Variants in BPTF observed in about 807,000 individuals in gnomAD.
BPTF encodes bromodomain PHD finger transcription factor.
A neutral mutation model predicts 292.5 loss-of-function variants in BPTF; 18 were observed. That is an observed-to-expected ratio of 0.06 (90% CI 0.04 to 0.09). The LOEUF (loss-of-function observed/expected upper bound fraction) is 0.09. BPTF is among the 10% of genes least tolerant of loss of function. The probability of loss-of-function intolerance (pLI) is 1.00; values close to 1 mark genes in which losing one functional copy is unlikely to be tolerated. For missense variants in BPTF, 2,726 were observed against 3,498.7 expected (o/e 0.78, Z 5.57); for synonymous variants, 1,225 against 1,251.9 (o/e 0.98, Z 0.45).
rs2061307039 is a variant in BPTF, at chr17:67,894,312, A to G, written c.2543+147A>G. 3 of 760,294 alleles carry G rather than the reference A, an allele frequency of 3.9e-6. No homozygotes were observed. The South Asian group carries it at 6.2e-5, about 16-fold the overall frequency. The allele number at this position is 760,294 out of a possible 1,614,324, so 47.1% of individuals were successfully genotyped here. On this transcript the variant is annotated intron_variant, in intron 7 of 27. Coordinates refer to ENST00000306378, the MANE Select transcript of BPTF (RefSeq NM_182641.4). ...TTTTCTTCCTATATAAGTTGTAAAC[A>G]TGAATGAATATTATTAGTTCTTTCT...
At chr17:67,881,855 TTTG>T (rs771548849) in intron 4 of BPTF, among the ~76,000 whole-genome samples, 8,755 of 23,720 alleles carry the variant, frequency 0.37, 1,100 homozygotes, top group East Asian at 0.64. Flanking sequence ...ATTTTGGGTT[TTTG>T]TTTTTTTTTT....
chr17:67,944,869 C>T (rs1555673640), intron 20 of BPTF, among the ~76,000 whole-genome samples: 3 of 152,180 alleles, frequency 2.0e-5, no homozygotes, highest in Admixed American at 2.0e-4. Flanking sequence ...GAGGCTGCAA[C>T]TTACTTTGGA....
chr17:67,946,754 C>G (rs1195805723), intron 21 of BPTF, among the ~76,000 whole-genome samples: 2 of 152,140 alleles, frequency 1.3e-5, no homozygotes, highest in African/African-American at 4.8e-5. Context: ...TCTAGCCACA[C>G]CTTTGTAAAA....
intron 1 of BPTF, among the ~76,000 whole-genome samples, chr17:67,826,855 C>A (rs2056115990): frequency 6.6e-6 from 1 of 152,088 alleles, no homozygotes; most frequent in Non-Finnish European, 1.5e-5. Flanking sequence ...CAAAAAAATG[C>A]GTTTTCACAC....
intron 24 of BPTF, chr17:67,963,564 G>A (rs782680526): frequency 4.2e-4 from 549 of 1,300,336 alleles, no homozygotes; most frequent in Non-Finnish European, 5.2e-4. Flanking sequence ...TGCTCTGACT[G>A]GTTACTTATT....
At chr17:67,924,710 A>G in intron 15 of BPTF, 121 bp downstream of exon 15, 1 of 1,129,558 alleles carries the variant, frequency 8.9e-7, no homozygotes, top group Non-Finnish European at 1.3e-6. Flanking sequence ...CAACATACAT[A>G]CATTTTTTAG....
chr17:67,922,738 A>G (rs1344942459), intron 13 of BPTF, 102 bp from the exon 14 acceptor site: 28 of 1,294,032 alleles, frequency 2.2e-5, no homozygotes, highest in Non-Finnish European at 2.9e-5. Flanking sequence ...CCATCTGGCT[A>G]TTTAAGAAGT....
At chr17:67,871,267 C>T (rs1450071731) in intron 3 of BPTF, among the ~76,000 whole-genome samples, 2 of 151,764 alleles carry the variant, frequency 1.3e-5, no homozygotes, top group African/African-American at 4.8e-5. Context: ...CATGGCAAAA[C>T]CTCGTCTTTA....
chr17:67,909,298 A>T (rs2062486709), intron 9 of BPTF, among the ~76,000 whole-genome samples: 1 of 106,052 alleles, frequency 9.4e-6, no homozygotes, highest in African/African-American at 3.6e-5. Flanking sequence ...TTTATCCTGC[A>T]GTGTTTTAAA....
intron 4 of BPTF, among the ~76,000 whole-genome samples, chr17:67,880,090 T>C (rs1394254136): frequency 6.6e-6 from 1 of 152,240 alleles, no homozygotes; most frequent in East Asian, 1.9e-4. Flanking sequence ...TTTTACAATT[T>C]ATTAGCATAA....
At chr17:67,924,469 C>T in intron 14 of BPTF, 78 bp from the exon 15 acceptor site, 3 of 1,396,154 alleles carry the variant, frequency 2.1e-6, no homozygotes, top group Non-Finnish European at 3.0e-6. Flanking sequence ...ATGTGAAAAT[C>T]AACCAGATTT....
intron 23 of BPTF, chr17:67,951,164 GGCTGTTGGTGGTCA>G (rs1208957204): frequency 6.6e-6 from 1 of 152,024 alleles, no homozygotes; most frequent in African/African-American, 2.4e-5. Flanking sequence ...TTACATCATT[GGCTGTTGGTGGTCA>G]GCTTAACCTT....
chr17:67,879,430 G>A (rs986948859), intron 4 of BPTF, among the ~76,000 whole-genome samples: 13 of 152,276 alleles, frequency 8.5e-5, no homozygotes, highest in Admixed American at 8.5e-4. Flanking sequence ...GTGAGCCACC[G>A]CGCCCGGCTA....
rs143770213 is a variant in BPTF at position 67,826,179 on chromosome 17, C to T, written c.455C>T (p.Ala152Val). The T allele has an allele frequency of 1.2e-6, 2 of 1,600,920 alleles. No homozygotes were observed. Among genetic ancestry groups the T allele is most frequent in the Non-Finnish European group, 1.7e-6 (2 of 1,168,160 alleles). The change falls in exon 1 of 28, where the codon GCC becomes GTC. Residue 152 changes from alanine (A) to valine (V), a missense_variant. By Grantham distance (64) the Ala-to-Val change is moderately conservative. Around this residue, in one of 22 missense-constraint regions of BPTF, gnomAD observed 153 missense variants for 178.3 expected, o/e 0.86. Transcript: ENST00000306378. Reference sequence around the variant, plus strand: ...GAGGAGGAGGAGGAGGACGGCGACGCCGAGGAGACCCAGGATTCTGAGGAC... The same window carrying T: ...GAGGAGGAGGAGGAGGACGGCGACGTCGAGGAGACCCAGGATTCTGAGGAC... Reference protein sequence around the residue: ...SEEEEEEDGDAEETQDSEDDE... With the variant: ...SEEEEEEDGDVEETQDSEDDE...
chr17:67,874,934 A>G lies in BPTF; in HGVS notation c.1778A>G (p.Asn593Ser), dbSNP rs767858872. 1.2e-6 allele frequency: 2 copies of G among 1,613,944 alleles called. No homozygotes were observed. Among genetic ancestry groups the G allele is most frequent in the Non-Finnish European group, 1.7e-6 (2 of 1,179,908 alleles). ...AATGACTCTAAAGATGCTGAGAAAAACAGAGAAGAATTTGAAGACCAGTCC... is the reference window on the plus strand; with the variant it reads ...AATGACTCTAAAGATGCTGAGAAAAGCAGAGAAGAATTTGAAGACCAGTCC... ...TENDSKDAEKNREEFEDQSLE... is the reference protein window; with the variant it reads ...TENDSKDAEKSREEFEDQSLE... The change falls in exon 4 of 28, where the codon AAC (asparagine) becomes AGC (serine). Residue 593 changes from asparagine (N) to serine (S), a missense_variant. Around this residue, in one of 22 missense-constraint regions of BPTF, gnomAD observed 187 missense variants for 201.5 expected, o/e 0.93. Coordinates refer to ENST00000306378, the MANE Select transcript of BPTF (RefSeq NM_182641.4).
chr17:67,944,400 C>A, intron 20 of BPTF, 28 bp downstream of exon 20: 1 of 1,604,246 alleles, frequency 6.2e-7, no homozygotes, highest in South Asian at 1.1e-5. Context: ...TCGGAAATGT[C>A]GGATGTTACT....
chr17:67,882,489 A>G (rs1188962435), intron 4 of BPTF, among the ~76,000 whole-genome samples: 1 of 152,196 alleles, frequency 6.6e-6, no homozygotes, highest in East Asian at 1.9e-4. Context: ...TAATTCAGCT[A>G]TATGTTTGCT....
chr17:67,971,101 G>C (rs2068707518), intron 26 of BPTF, among the ~76,000 whole-genome samples: 1 of 151,544 alleles, frequency 6.6e-6, no homozygotes, highest in Non-Finnish European at 1.5e-5. Flanking sequence ...TTGTTTGTTT[G>C]TTTTTTGAGA....
chr17:67,980,580 C>G (rs1446783347), intron 27 of BPTF, among the ~76,000 whole-genome samples: 1 of 152,132 alleles, frequency 6.6e-6, no homozygotes, highest in Non-Finnish European at 1.5e-5. Context: ...GAGTGTGAAT[C>G]CTACCCTGCT....
Sources: allele counts gnomAD v4.1 joint callset (sites outside exome capture counted in the v4.1 genomes callset), GRCh38; gene constraint gnomAD v4.1.1; regional missense constraint gnomAD v4.1.1; transcripts MANE v1.5; gene names NCBI Gene and HGNC (gene_info 2026-07-23, HGNC 2026-07-21).